LHFPL3: variants seen among roughly 807,000 people sequenced by gnomAD.
The protein encoded by LHFPL3 is LHFPL tetraspan subfamily member 3.
Under a neutral mutation model 19.3 loss-of-function variants are expected in LHFPL3, and 5 were observed. That is an observed-to-expected ratio of 0.26 (90% CI 0.14 to 0.54). The LOEUF is 0.54. LHFPL3 is among the 20% of genes least tolerant of loss of function. LHFPL3 has a pLI of 0.94. For missense variants in LHFPL3, 249 were observed against 307.4 expected, an observed-to-expected ratio of 0.81 and a Z score of 1.42; for synonymous variants, 133 against 126.2, an observed-to-expected ratio of 1.05 and a Z score of -0.36.
At chr7:104,506,141 C>T (rs1489377740) in intron 1 of LHFPL3, among the ~76,000 whole-genome samples, 1 of 151,990 alleles carries the variant, frequency 6.6e-6, no homozygotes, top group Non-Finnish European at 1.5e-5. Flanking sequence ...CTCAGCCTCC[C>T]GAGTAGCTGG....
At chr7:104,661,801 T>A (rs1399204797) in intron 1 of LHFPL3, among the ~76,000 whole-genome samples, 1 of 152,236 alleles carries the variant, frequency 6.6e-6, no homozygotes, top group Non-Finnish European at 1.5e-5. Context: ...TTTTTCCTTA[T>A]TATGTCGAGA....
intron 2 of LHFPL3, among the ~76,000 whole-genome samples, chr7:104,791,036 T>C (rs975517032): frequency 1.3e-5 from 2 of 152,252 alleles, no homozygotes; most frequent in African/African-American, 4.8e-5. Flanking sequence ...TCTTTAACAT[T>C]GTTTTTCTAT....
At chr7:104,843,922 C>G (rs1325536939) in intron 2 of LHFPL3, among the ~76,000 whole-genome samples, 1 of 152,138 alleles carries the variant, frequency 6.6e-6, no homozygotes, top group Non-Finnish European at 1.5e-5. Flanking sequence ...AGCAAATGCA[C>G]CACTGGGAGG....
intron 2 of LHFPL3, among the ~76,000 whole-genome samples, chr7:104,818,127 G>A (rs1169523633): frequency 2.6e-5 from 4 of 152,158 alleles, no homozygotes; most frequent in African/African-American, 9.7e-5. Flanking sequence ...AGCCAGCAAG[G>A]ATCATCTAGT....
At chr7:104,605,337 C>G (rs560035099) in intron 1 of LHFPL3, among the ~76,000 whole-genome samples, 2 of 152,046 alleles carry the variant, frequency 1.3e-5, no homozygotes, top group Non-Finnish European at 2.9e-5. Flanking sequence ...AAGTTTTCTC[C>G]TATTAAAACA....
chr7:104,679,431 A>G (rs1269371598), intron 1 of LHFPL3, among the ~76,000 whole-genome samples: 1 of 152,246 alleles, frequency 6.6e-6, no homozygotes, highest in Non-Finnish European at 1.5e-5. Context: ...AGTCCAGCTC[A>G]TATTCAAGAG....
At chr7:104,857,189 A>G (rs900925033) in intron 2 of LHFPL3, among the ~76,000 whole-genome samples, 1 of 152,216 alleles carries the variant, frequency 6.6e-6, no homozygotes, top group African/African-American at 2.4e-5. Flanking sequence ...GCAAGGACGC[A>G]CTGCCAGCAA....
At chr7:104,868,523 G>T (rs1407870419) in intron 2 of LHFPL3, among the ~76,000 whole-genome samples, 1 of 152,000 alleles carries the variant, frequency 6.6e-6, no homozygotes, top group South Asian at 2.1e-4. Context: ...TACAAGGGAC[G>T]TGAAGGACCT....
At chr7:104,405,817 T>G (rs2116501925) in intron 1 of LHFPL3, among the ~76,000 whole-genome samples, 1 of 152,304 alleles carries the variant, frequency 6.6e-6, no homozygotes, top group Non-Finnish European at 1.5e-5. Flanking sequence ...GTAACTGGTA[T>G]TAATTGTTTA....
rs138746708 is a variant in LHFPL3, at chr7:104,652,798, G to A, written c.446-83877G>A. ...GGTAACTACTATAGTAGGGAAGAGC[G>A]TCTAGGGAAAACTGAGCTCAATTTC... is the stretch of plus-strand genomic sequence containing the variant. On this transcript the variant is annotated intron_variant, in intron 1 of 2. Coordinates refer to ENST00000424859, the MANE Select transcript of LHFPL3 (RefSeq NM_199000.3). Among the ~76,000 whole-genome samples the A allele has an allele frequency of 2.6e-5, 4 of 152,300 alleles. 1 individual carries two copies. Among genetic ancestry groups the A allele is most frequent in the East Asian group, 3.9e-4 (2 of 5,182 alleles).
intron 1 of LHFPL3, among the ~76,000 whole-genome samples, chr7:104,385,189 G>A (rs1237642212): frequency 1.3e-5 from 2 of 152,100 alleles, no homozygotes; most frequent in Non-Finnish European, 2.9e-5. Flanking sequence ...ATCAGGACTT[G>A]GTAGCCCAAT....
chr7:104,668,714 A>AGGGGGGGGGGGGGGGGGGGG, intron 1 of LHFPL3: 1 of 1,527,922 alleles, frequency 6.5e-7, no homozygotes. Context: ...GTGATGATAG[A>AGGGGGGGGGGGGGGGGGGGG]GGTCCCCCCC....
At chr7:104,667,262 C>CCTG (rs1028591362) in intron 1 of LHFPL3, among the ~76,000 whole-genome samples, 2 of 104,802 alleles carry the variant, frequency 1.9e-5, no homozygotes, top group African/African-American at 7.8e-5. Context: ...CATCTGTTTT[C>CCTG]TTGGGGGGGG....
At chr7:104,752,989 G>A (rs528312813) in intron 2 of LHFPL3, among the ~76,000 whole-genome samples, 4 of 152,304 alleles carry the variant, frequency 2.6e-5, no homozygotes, top group South Asian at 2.1e-4. Context: ...AATATTAGGG[G>A]TCACTCTTTG....
intron 2 of LHFPL3, among the ~76,000 whole-genome samples, chr7:104,840,474 C>CTTTTTTTTTTTT (rs71155530): frequency 1.5e-5 from 1 of 65,540 alleles, no homozygotes; most frequent in Non-Finnish European, 2.7e-5. Flanking sequence ...TTTTCTTTTC[C>CTTTTTTTTTTTT]TTTTTTTTTT....
rs774085195 is a variant in LHFPL3, at chr7:104,906,256, C to T, written c.*41C>T. 1.3e-6 allele frequency: 2 copies of T among 1,589,998 alleles called. No individual in the cohort carries two copies. The highest frequency in any genetic ancestry group is 1.7e-4 in the Middle Eastern group (1 of 6,038). On this transcript the variant is annotated 3_prime_UTR_variant, in exon 3 of 3. Transcript: ENST00000424859. ...AATAACAGCTAAACAAATCGAATAA[C>T]AGCTAAACGAATCGAATAACAGCTT...
intron 2 of LHFPL3, among the ~76,000 whole-genome samples, chr7:104,755,358 G>A (rs1198141730): frequency 6.6e-6 from 1 of 152,152 alleles, no homozygotes; most frequent in Non-Finnish European, 1.5e-5. Context: ...AAGGACATGG[G>A]TACTGGGAAG....
intron 2 of LHFPL3, among the ~76,000 whole-genome samples, chr7:104,828,974 G>T (rs2116550256): frequency 6.6e-6 from 1 of 151,940 alleles, no homozygotes; most frequent in East Asian, 1.9e-4. Context: ...GGCAAAGGCT[G>T]CAGTGAGCCA....
intron 2 of LHFPL3, among the ~76,000 whole-genome samples, chr7:104,878,314 C>T (rs912733953): frequency 6.6e-6 from 1 of 151,788 alleles, no homozygotes; most frequent in African/African-American, 2.4e-5. Flanking sequence ...CTGTTTTGTG[C>T]AAGTCTATCA....
Sources: allele counts gnomAD v4.1 joint callset (sites outside exome capture counted in the v4.1 genomes callset), GRCh38; gene constraint gnomAD v4.1.1; transcripts MANE v1.5; gene names NCBI Gene and HGNC (gene_info 2026-07-23, HGNC 2026-07-21).